DPYD: variants seen among roughly 807,000 people sequenced by gnomAD.
DPYD encodes dihydropyrimidine dehydrogenase [NADP(+)].
A neutral mutation model predicts 116.2 loss-of-function variants in DPYD; 109 were observed. The ratio of observed to expected loss-of-function variants is 0.94; its 90% confidence interval spans 0.80 to 1.10. The LOEUF (loss-of-function observed/expected upper bound fraction) is 1.10, where lower values mean the gene tolerates loss of function less well. DPYD is among the 50% of genes least tolerant of loss of function. DPYD has a pLI of 0.00. For synonymous variants in DPYD, 440 were observed against 432.0 expected (o/e 1.02, Z -0.23); for missense variants, 1,302 against 1,254.5 (o/e 1.04, Z -0.57).
chr1:97,647,396 T>C (rs1658328667), intron 8 of DPYD, among the ~76,000 whole-genome samples: 1 of 151,910 alleles, frequency 6.6e-6, no homozygotes, highest in Admixed American at 6.6e-5. Context: ...TTCTCTTGGG[T>C]TGAAATAACA....
At chr1:97,584,590 A>G (rs1177465678) in intron 10 of DPYD, among the ~76,000 whole-genome samples, 31 of 151,872 alleles carry the variant, frequency 2.0e-4, no homozygotes, top group Admixed American at 2.0e-3. Context: ...TTTTTGTGGC[A>G]CATATACACC....
intron 8 of DPYD, among the ~76,000 whole-genome samples, chr1:97,645,035 G>A (rs1658175287): frequency 6.6e-6 from 1 of 151,996 alleles, no homozygotes; most frequent in Admixed American, 6.6e-5. Flanking sequence ...TTCCCCATCA[G>A]TATTTAAAGA....
intron 1 of DPYD, among the ~76,000 whole-genome samples, chr1:97,904,012 C>G (rs963370413): frequency 6.6e-6 from 1 of 151,774 alleles, no homozygotes; most frequent in Non-Finnish European, 1.5e-5. Context: ...TTTCCAACTC[C>G]CTATTCTTAG....
chr1:97,445,683 A>G (rs774485750), intron 14 of DPYD, among the ~76,000 whole-genome samples: 6 of 147,452 alleles, frequency 4.1e-5, no homozygotes, highest in Non-Finnish European at 8.9e-5. Flanking sequence ...AGGTAGTAAT[A>G]TTTTCTAAGT....
At chr1:97,248,573 T>A (rs1285187561) in intron 18 of DPYD, among the ~76,000 whole-genome samples, 1 of 152,118 alleles carries the variant, frequency 6.6e-6, no homozygotes, top group African/African-American at 2.4e-5. Flanking sequence ...TTAATGTAAT[T>A]CACCAATCAA....
intron 10 of DPYD, among the ~76,000 whole-genome samples, chr1:97,582,042 C>T (rs1293360246): frequency 1.3e-5 from 2 of 152,182 alleles, no homozygotes; most frequent in Non-Finnish European, 2.9e-5. Context: ...ATGCTTTTGG[C>T]ATGGCGTATC....
At chr1:97,504,986 T>C (rs1647211994) in intron 13 of DPYD, among the ~76,000 whole-genome samples, 1 of 151,942 alleles carries the variant, frequency 6.6e-6, no homozygotes, top group Non-Finnish European at 1.5e-5. Context: ...AGATAACCAT[T>C]GATTAATGTA....
chr1:97,647,803 G>T (rs566764698), intron 8 of DPYD, among the ~76,000 whole-genome samples: 1 of 151,796 alleles, frequency 6.6e-6, no homozygotes, highest in African/African-American at 2.4e-5. Flanking sequence ...AACTGTCAAG[G>T]CTGTATGATA....
chr1:97,181,051 G>T (rs1657610556), intron 20 of DPYD, among the ~76,000 whole-genome samples: 1 of 152,140 alleles, frequency 6.6e-6, no homozygotes, highest in Non-Finnish European at 1.5e-5. Context: ...ACTCAGACAT[G>T]GAAGTGGAAA....
intron 3 of DPYD, among the ~76,000 whole-genome samples, chr1:97,771,580 G>T (rs1557948592): frequency 6.6e-6 from 1 of 152,254 alleles, no homozygotes; most frequent in Admixed American, 6.5e-5. Flanking sequence ...TTAAATCATG[G>T]TATGATTCTG....
At chr1:97,568,469 A>G (rs1413897077) in intron 11 of DPYD, among the ~76,000 whole-genome samples, 4 of 152,102 alleles carry the variant, frequency 2.6e-5, no homozygotes, top group Non-Finnish European at 5.9e-5. Context: ...CATGAGGACC[A>G]TGAAGAACAG....
intron 21 of DPYD, among the ~76,000 whole-genome samples, chr1:97,088,677 G>C (rs1191521380): frequency 6.6e-6 from 1 of 151,996 alleles, no homozygotes; most frequent in Non-Finnish European, 1.5e-5. Context: ...TAATTTTTTT[G>C]ATAGATACTG....
At chr1:97,477,247 C>A (rs1178923841) in intron 13 of DPYD, among the ~76,000 whole-genome samples, 1 of 152,230 alleles carries the variant, frequency 6.6e-6, no homozygotes, top group East Asian at 1.9e-4. Flanking sequence ...AGCATCTTCA[C>A]TAGGAGCTGA....
At chr1:97,448,343 CGATT>C (rs1676207176) in intron 14 of DPYD, among the ~76,000 whole-genome samples, 1 of 152,130 alleles carries the variant, frequency 6.6e-6, no homozygotes, top group Non-Finnish European at 1.5e-5. Context: ...AGGTGTGTAA[CGATT>C]GATATGGTAT....
At chr1:97,888,777 C>T (rs1672629774) in intron 1 of DPYD, among the ~76,000 whole-genome samples, 1 of 151,962 alleles carries the variant, frequency 6.6e-6, no homozygotes, top group African/African-American at 2.4e-5. Flanking sequence ...CTATACCCAA[C>T]AAAACTATCT....
rs750423752 is a variant in DPYD at position 97,234,902 on chromosome 1, A to C, written c.2392T>G (p.Ser798Ala). ...FPILATGGID[S>A]AESGLQFLHS... ...AGAAACTGAAGACCACTTTCAGCAGAGTCAATTCCACCAGTAGCCAAAATG... is the reference window on the plus strand; with the variant it reads ...AGAAACTGAAGACCACTTTCAGCAGCGTCAATTCCACCAGTAGCCAAAATG... Residue 798 changes from serine to alanine, a missense_variant, in exon 19 of 23, where the codon TCT (serine) becomes GCT (alanine). Transcript: ENST00000370192. The C allele has an allele frequency of 1.9e-6, 3 of 1,614,052 alleles. No individual in the cohort carries two copies. The highest frequency in any genetic ancestry group is 2.5e-6 in the Non-Finnish European group (3 of 1,179,992).
chr1:97,912,232 T>C (rs1438979585), intron 1 of DPYD, among the ~76,000 whole-genome samples: 1 of 152,072 alleles, frequency 6.6e-6, no homozygotes, highest in African/African-American at 2.4e-5. Context: ...CTATATATCA[T>C]TGAGCCAACA....
At chr1:97,652,289 C>T (rs1251423786) in intron 8 of DPYD, among the ~76,000 whole-genome samples, 10 of 152,274 alleles carry the variant, frequency 6.6e-5, no homozygotes, top group Non-Finnish European at 1.5e-5. Flanking sequence ...CTAACATCTC[C>T]TAACCTATAA....
intron 13 of DPYD, among the ~76,000 whole-genome samples, chr1:97,454,917 G>C (rs545099368): frequency 6.6e-6 from 1 of 151,980 alleles, no homozygotes; most frequent in Admixed American, 6.6e-5. Context: ...AATTTGCAAA[G>C]TGAATCATGG....
Sources: gnomAD v4.1 joint callset for allele counts (sites outside exome capture counted in the v4.1 genomes callset) on GRCh38, gnomAD v4.1.1 for gene constraint, MANE v1.5 for transcripts, NCBI Gene and HGNC (gene_info 2026-07-23, HGNC 2026-07-21) for gene names.